The following GRID2 variants were observed in gnomAD, a reference collection of about 807,000 sequenced individuals.
The protein encoded by GRID2 is glutamate receptor ionotropic, delta-2.
A neutral mutation model predicts 114.8 loss-of-function variants in GRID2; 33 were observed. That is an observed-to-expected ratio of 0.29 (90% CI 0.22 to 0.38). The LOEUF (loss-of-function observed/expected upper bound fraction) is 0.38. GRID2 is among the 10% of genes least tolerant of loss of function. The pLI is 1.00. For synonymous variants in GRID2, 505 were observed against 449.9 expected, an observed-to-expected ratio of 1.12 and a Z score of -1.55; for missense variants, 1,184 against 1,257.7, an observed-to-expected ratio of 0.94 and a Z score of 0.89.
At chr4:92,653,327 C>CTG (rs112109018) in intron 2 of GRID2, among the ~76,000 whole-genome samples, 16,332 of 146,144 alleles carry the variant, frequency 0.11, 1,082 homozygotes, top group Non-Finnish European at 0.14. Context: ...ACACATGTGT[C>CTG]TGTGTGTGTG....
At chr4:92,469,316 T>C (rs140833984) in intron 1 of GRID2, among the ~76,000 whole-genome samples, 13 of 152,220 alleles carry the variant, frequency 8.5e-5, no homozygotes, top group African/African-American at 2.9e-4. Context: ...GGTTAGAATA[T>C]AGTTGTCCCT....
In GRID2 at chr4:93,246,090, G is replaced by C. The variant is rs185231054; in HGVS notation, c.1245+7600G>C. On this transcript the variant is annotated intron_variant, in intron 8 of 15. Coordinates refer to ENST00000282020, the MANE Select transcript of GRID2 (RefSeq NM_001510.4). ...TATGGCTCCAAAATTCTACAAGTCTGTTAATCAAGGCTTGGAAACTATAAT... is the reference window on the plus strand; with the variant it reads ...TATGGCTCCAAAATTCTACAAGTCTCTTAATCAAGGCTTGGAAACTATAAT... 5.9e-5 allele frequency among the ~76,000 whole-genome samples: 9 copies of C among 152,254 alleles called. No homozygotes were observed. In the East Asian group the frequency reaches 1.2e-3, roughly 20 times the overall value.
chr4:93,283,331 C>A (rs1752839911), intron 8 of GRID2, among the ~76,000 whole-genome samples: 1 of 152,002 alleles, frequency 6.6e-6, no homozygotes, highest in Non-Finnish European at 1.5e-5. Context: ...TTAAAAAATA[C>A]AAATGAAACT....
intron 2 of GRID2, among the ~76,000 whole-genome samples, chr4:92,899,871 A>G (rs141910163): frequency 2.4e-3 from 366 of 152,290 alleles, no homozygotes; most frequent in Non-Finnish European, 3.6e-3. Context: ...TCCTATAGAT[A>G]AAGAACAGGG....
At chr4:92,973,358 C>G (rs1753647288) in intron 2 of GRID2, among the ~76,000 whole-genome samples, 3 of 152,116 alleles carry the variant, frequency 2.0e-5, no homozygotes, top group African/African-American at 7.2e-5. Context: ...ATCCCATACT[C>G]TCATAAGAAC....
intron 1 of GRID2, among the ~76,000 whole-genome samples, chr4:92,529,270 G>A (rs552669838): frequency 2.3e-4 from 35 of 152,110 alleles, no homozygotes; most frequent in African/African-American, 7.9e-4. Context: ...CGCTTACAAT[G>A]TAGTGAGAGA....
At chr4:92,676,286 TCTC>T (rs1048470412) in intron 2 of GRID2, among the ~76,000 whole-genome samples, 3 of 150,526 alleles carry the variant, frequency 2.0e-5, no homozygotes, top group Non-Finnish European at 4.4e-5. Flanking sequence ...TTCATGCCCT[TCTC>T]CTGCCTCAGC....
intron 2 of GRID2, among the ~76,000 whole-genome samples, chr4:92,922,455 A>T (rs1749443389): frequency 6.6e-6 from 1 of 152,104 alleles, no homozygotes. Flanking sequence ...GGAGCTGTAG[A>T]CTGGTGCTGT....
At chr4:93,021,972 A>C (rs2149246977) in intron 2 of GRID2, among the ~76,000 whole-genome samples, 1 of 151,362 alleles carries the variant, frequency 6.6e-6, no homozygotes, top group African/African-American at 2.4e-5. Context: ...GTGCAAACAT[A>C]ATTGCAGTTT....
intron 4 of GRID2, among the ~76,000 whole-genome samples, chr4:93,131,047 A>C (rs185351507): frequency 2.0e-4 from 30 of 152,214 alleles, no homozygotes; most frequent in Admixed American, 4.6e-4. Flanking sequence ...AAATGAAAGT[A>C]AAGATTTTTT....
At chr4:92,838,683 G>C (rs1381905033) in intron 2 of GRID2, 1 of 152,066 alleles carries the variant, frequency 6.6e-6, no homozygotes, top group Non-Finnish European at 1.5e-5. Context: ...AAATGACATG[G>C]AAGCCCATGT....
chr4:93,679,372 G>A (rs1400484379), intron 14 of GRID2, among the ~76,000 whole-genome samples: 13 of 150,772 alleles, frequency 8.6e-5, no homozygotes, highest in Non-Finnish European at 1.8e-4. Context: ...AGATCAACGA[G>A]ACAGAAAGTT....
intron 1 of GRID2, among the ~76,000 whole-genome samples, chr4:92,568,376 A>G (rs1727440349): frequency 6.6e-6 from 1 of 151,978 alleles, no homozygotes; most frequent in African/African-American, 2.4e-5. Context: ...CTGCCCTGAC[A>G]TACAAAGAAA....
chr4:92,888,040 G>A (rs1746495673), intron 2 of GRID2, among the ~76,000 whole-genome samples: 1 of 152,120 alleles, frequency 6.6e-6, no homozygotes. Flanking sequence ...GAGTGTGATA[G>A]TATCTATGAA....
intron 2 of GRID2, among the ~76,000 whole-genome samples, chr4:92,955,772 C>T (rs1752359335): frequency 6.6e-6 from 1 of 152,204 alleles, no homozygotes; most frequent in East Asian, 1.9e-4. Flanking sequence ...AGTCTTTAAT[C>T]CATTTTGAAT....
rs1040963375 is a variant in GRID2 at position 93,760,550 on chromosome 4, C to G, written c.2361-8660C>G. Among the ~76,000 whole-genome samples, 33 of 152,310 alleles carry G rather than the reference C, an allele frequency of 2.2e-4. No homozygotes were observed. In the East Asian group the frequency reaches 4.3e-3, roughly 20 times the overall value. ...TATAATTAAATCCAGCCTGTGTATT[C>G]AGCCCTGCAGTGGGGAGCTGGGCAG... is the stretch of plus-strand genomic sequence containing the variant. On this transcript the variant is annotated intron_variant, in intron 14 of 15. Transcript: ENST00000282020.
chr4:92,601,559 A>G (rs935954583), intron 2 of GRID2, among the ~76,000 whole-genome samples: 4 of 152,240 alleles, frequency 2.6e-5, no homozygotes, highest in African/African-American at 9.6e-5. Flanking sequence ...TTATAGCACT[A>G]AAGGCCCACA....
Position 92,814,959 on chromosome 4 carries a change from A to G in GRID2, c.244+224673A>G, listed in dbSNP as rs9992685. 3.6e-3 allele frequency among the ~76,000 whole-genome samples: 554 copies of G among 152,254 alleles called. 2 individuals are homozygous for G. The highest frequency in any genetic ancestry group is 6.6e-3 in the Non-Finnish European group (450 of 68,022). On this transcript the variant is annotated intron_variant, in intron 2 of 15. Coordinates refer to ENST00000282020, the MANE Select transcript of GRID2 (RefSeq NM_001510.4). ...CAGAGCTCAAAATGTGCAAGTTCACAAGGGAGAAATATTTATCAAACCCAT... is the reference window on the plus strand; with the variant it reads ...CAGAGCTCAAAATGTGCAAGTTCACGAGGGAGAAATATTTATCAAACCCAT...
chr4:93,103,840 G>GTTT (rs35621225), intron 3 of GRID2, among the ~76,000 whole-genome samples: 1 of 142,450 alleles, frequency 7.0e-6, no homozygotes, highest in Non-Finnish European at 1.5e-5. Context: ...AAAATCCCTT[G>GTTT]TTTTTTTTTT....
Sources: allele counts gnomAD v4.1 joint callset (sites outside exome capture counted in the v4.1 genomes callset), GRCh38; gene constraint gnomAD v4.1.1; transcripts MANE v1.5; gene names NCBI Gene and HGNC (gene_info 2026-07-23, HGNC 2026-07-21).